LRRC28: variants seen among roughly 807,000 people sequenced by gnomAD.
LRRC28 encodes leucine rich repeat containing 28.
Under a neutral mutation model 45.7 loss-of-function variants are expected in LRRC28, and 39 were observed. The observed-to-expected ratio is 0.85, with a 90% confidence interval of 0.66 to 1.12. The LOEUF is 1.12. Among genes scored for constraint, LRRC28 ranks in the 50% most tolerant of loss-of-function variants. LRRC28 has a pLI of 0.00. For missense variants in LRRC28, 435 were observed against 438.5 expected (o/e 0.99, Z 0.07); for synonymous variants, 206 against 178.8 (o/e 1.15, Z -1.22).
intron 9 of LRRC28, among the ~76,000 whole-genome samples, chr15:99,373,812 A>G (rs1333266852): frequency 2.0e-5 from 3 of 152,202 alleles, no homozygotes; most frequent in Non-Finnish European, 4.4e-5. Flanking sequence ...CTGTTTTGAT[A>G]AAGTTAAATT....
At chr15:99,277,970 G>T (rs973235247) in intron 3 of LRRC28, among the ~76,000 whole-genome samples, 3 of 151,912 alleles carry the variant, frequency 2.0e-5, no homozygotes, top group African/African-American at 7.3e-5. Context: ...TCTTCTAACT[G>T]GTTGTATTTT....
At chr15:99,378,892 A>G (rs532848208) in intron 9 of LRRC28, among the ~76,000 whole-genome samples, 1 of 152,308 alleles carries the variant, frequency 6.6e-6, no homozygotes, top group South Asian at 2.1e-4. Flanking sequence ...GATGAAGCCC[A>G]CTTGATCATG....
At chr15:99,258,310 T>C in intron 2 of LRRC28, 1 of 1,511,458 alleles carries the variant, frequency 6.6e-7, no homozygotes, top group African/African-American at 1.4e-5. Flanking sequence ...CCAATGAATA[T>C]TCTGTAATTG....
At chr15:99,352,242 C>T in intron 6 of LRRC28, 127 bp from the exon 7 acceptor site, 3 of 678,034 alleles carry the variant, frequency 4.4e-6, no homozygotes, top group Non-Finnish European at 7.2e-6. Flanking sequence ...CTTTATATAA[C>T]ACTTTTTATG....
intron 5 of LRRC28, among the ~76,000 whole-genome samples, chr15:99,300,272 GA>G (rs772591604): frequency 2.0e-5 from 3 of 151,810 alleles, no homozygotes; most frequent in South Asian, 4.2e-4. Flanking sequence ...AGTATTCTGA[GA>G]AAAAAATGCT....
chr15:99,313,634 T>C (rs1288999772), intron 5 of LRRC28, among the ~76,000 whole-genome samples: 2 of 152,212 alleles, frequency 1.3e-5, no homozygotes, highest in African/African-American at 2.4e-5. Flanking sequence ...TAATATTTCT[T>C]ATAGGGCAGG....
intron 2 of LRRC28, among the ~76,000 whole-genome samples, chr15:99,263,005 G>C (rs1048513097): frequency 6.6e-6 from 1 of 151,878 alleles, no homozygotes; most frequent in Non-Finnish European, 1.5e-5. Context: ...ATAACTGATA[G>C]GTGAAAAAGA....
intron 9 of LRRC28, among the ~76,000 whole-genome samples, chr15:99,370,704 T>A (rs1393687837): frequency 6.6e-6 from 1 of 152,228 alleles, no homozygotes; most frequent in Non-Finnish European, 1.5e-5. Flanking sequence ...ACAAATGTTA[T>A]TAAGCAAGTT....
intron 7 of LRRC28, 79 bp from the exon 8 acceptor site, chr15:99,361,257 T>A: frequency 6.8e-7 from 1 of 1,469,860 alleles, no homozygotes; most frequent in Non-Finnish European, 9.1e-7. Context: ...CAAATGTATA[T>A]TTTGATTAAC....
At chr15:99,345,355 G>T (rs1343597481) in intron 6 of LRRC28, among the ~76,000 whole-genome samples, 1 of 152,096 alleles carries the variant, frequency 6.6e-6, no homozygotes, top group Non-Finnish European at 1.5e-5. Flanking sequence ...TATCAACGCA[G>T]TTTTATTTTG....
intron 5 of LRRC28, among the ~76,000 whole-genome samples, chr15:99,331,369 C>G (rs1043934145): frequency 1.3e-5 from 2 of 152,040 alleles, no homozygotes; most frequent in Admixed American, 6.6e-5. Flanking sequence ...AGTCTAGAAG[C>G]TTGTGCCTGT....
At chr15:99,321,450 C>T (rs1324501452) in intron 5 of LRRC28, among the ~76,000 whole-genome samples, 2 of 152,116 alleles carry the variant, frequency 1.3e-5, no homozygotes, top group Non-Finnish European at 2.9e-5. Flanking sequence ...GGGCAGCTGG[C>T]GTTCGGTCAG....
intron 5 of LRRC28, among the ~76,000 whole-genome samples, chr15:99,324,935 A>G (rs748807924): frequency 2.0e-5 from 3 of 152,180 alleles, no homozygotes; most frequent in Non-Finnish European, 2.9e-5. Flanking sequence ...ACAGCAATAA[A>G]TATTTAAAAT....
chr15:99,379,824 G>T (rs538680608), intron 9 of LRRC28, among the ~76,000 whole-genome samples: 2 of 152,314 alleles, frequency 1.3e-5, no homozygotes, highest in South Asian at 4.1e-4. Flanking sequence ...GGAGCAGGTT[G>T]TTCAGTTTCC....
At chr15:99,256,549 A>G (rs2081027070) in intron 2 of LRRC28, among the ~76,000 whole-genome samples, 1 of 152,238 alleles carries the variant, frequency 6.6e-6, no homozygotes. Context: ...TAAAGGGAGA[A>G]TGATTTGAAA....
intron 5 of LRRC28, among the ~76,000 whole-genome samples, chr15:99,296,048 G>A (rs1406669496): frequency 2.6e-5 from 4 of 152,136 alleles, no homozygotes; most frequent in Non-Finnish European, 4.4e-5. Flanking sequence ...TCCTACAGAG[G>A]ACATAAAAAC....
At chr15:99,318,836 A>G (rs1166476619) in intron 5 of LRRC28, among the ~76,000 whole-genome samples, 1 of 152,012 alleles carries the variant, frequency 6.6e-6, no homozygotes, top group Non-Finnish European at 1.5e-5. Flanking sequence ...TGTGTTGTGC[A>G]TGTGTTTTTC....
In LRRC28 at chr15:99,292,514, G is replaced by A. The variant is rs549620023; in HGVS notation, c.385+4563G>A. Among the ~76,000 whole-genome samples, 348 of 151,618 alleles carry A rather than the reference G, an allele frequency of 2.3e-3. 4 individuals are homozygous for A. The highest frequency in any genetic ancestry group is 7.8e-3 in the African/African-American group (323 of 41,222). On this transcript the variant is annotated intron_variant, in intron 5 of 9. Transcript: ENST00000301981. ...CGAGTAGCTGGGACTACAGGCGCCCGCCACCGCGCCCGGCTAATTTTTTGT... is the reference window on the plus strand; with the variant it reads ...CGAGTAGCTGGGACTACAGGCGCCCACCACCGCGCCCGGCTAATTTTTTGT...
chr15:99,293,116 C>G (rs2082168745), intron 5 of LRRC28, among the ~76,000 whole-genome samples: 1 of 152,178 alleles, frequency 6.6e-6, no homozygotes, highest in Non-Finnish European at 1.5e-5. Context: ...CCTCCCTTAA[C>G]TTACTACATT....
Sources: gnomAD v4.1 joint callset for allele counts (sites outside exome capture counted in the v4.1 genomes callset) on GRCh38, gnomAD v4.1.1 for gene constraint, MANE v1.5 for transcripts, NCBI Gene and HGNC (gene_info 2026-07-23, HGNC 2026-07-21) for gene names.